Variants in TAFA2 observed in about 807,000 individuals in gnomAD.
TAFA2 encodes TAFA chemokine like family member 2.
Under a neutral mutation model 18.8 loss-of-function variants are expected in TAFA2, and 7 were observed. The observed-to-expected ratio is 0.37, with a 90% CI of 0.21 to 0.70. TAFA2 has a LOEUF of 0.70. TAFA2 is among the 30% of genes least tolerant of loss of function. The pLI is 0.53. For missense variants in TAFA2, 122 were observed against 158.1 expected (o/e 0.77, Z 1.23); for synonymous variants, 60 against 54.2 (o/e 1.11, Z -0.47).
At chr12:61,807,541 G>A (rs1339679201) in intron 2 of TAFA2, among the ~76,000 whole-genome samples, 1 of 151,238 alleles carries the variant, frequency 6.6e-6, no homozygotes, top group Non-Finnish European at 1.5e-5. Flanking sequence ...GCTGTGAGAT[G>A]AGGGCCACCA....
chr12:62,202,107 G>A (rs1161436175), intron 1 of TAFA2, among the ~76,000 whole-genome samples: 1 of 151,834 alleles, frequency 6.6e-6, no homozygotes, highest in Non-Finnish European at 1.5e-5. Flanking sequence ...ATTTTTTATT[G>A]TGTCTATTTT....
At chr12:62,039,771 C>T (rs964831909) in intron 1 of TAFA2, among the ~76,000 whole-genome samples, 2 of 152,166 alleles carry the variant, frequency 1.3e-5, no homozygotes, top group African/African-American at 2.4e-5. Flanking sequence ...GTCACCAAAG[C>T]AGATACCCGA....
intron 1 of TAFA2, among the ~76,000 whole-genome samples, chr12:62,166,681 T>C (rs575016038): frequency 1.3e-5 from 2 of 152,248 alleles, no homozygotes; most frequent in East Asian, 3.9e-4. Flanking sequence ...GTCCCAGTGA[T>C]CCCAAACAAG....
chr12:61,785,146 G>A (rs950252939), intron 2 of TAFA2, among the ~76,000 whole-genome samples: 1 of 151,270 alleles, frequency 6.6e-6, no homozygotes, highest in African/African-American at 2.4e-5. Flanking sequence ...AGTATTCTCT[G>A]TTCTACATGT....
chr12:62,144,402 A>C (rs1189316215), intron 1 of TAFA2, among the ~76,000 whole-genome samples: 1 of 152,156 alleles, frequency 6.6e-6, no homozygotes, highest in East Asian at 1.9e-4. Flanking sequence ...GGAGAGCTCA[A>C]AAAAGAGGTA....
intron 4 of TAFA2, among the ~76,000 whole-genome samples, chr12:61,747,116 A>T (rs537024655): frequency 6.5e-4 from 99 of 152,316 alleles, no homozygotes; most frequent in African/African-American, 2.2e-3. Context: ...CACATGAAAA[A>T]GTGCTCATCA....
At chr12:62,195,100 A>T (rs1026732411), upstream of TAFA2, among the ~76,000 whole-genome samples, 3 of 152,194 alleles carry the variant, frequency 2.0e-5, no homozygotes, top group African/African-American at 7.2e-5. Flanking sequence ...ATTTCTTAAA[A>T]TAAGACAATA....
chr12:61,968,459 G>A (rs1426481234), intron 1 of TAFA2, among the ~76,000 whole-genome samples: 1 of 151,644 alleles, frequency 6.6e-6, no homozygotes, highest in Non-Finnish European at 1.5e-5. Flanking sequence ...TCATTTTAAA[G>A]CATTATACAA....
intron 2 of TAFA2, among the ~76,000 whole-genome samples, chr12:61,812,348 T>C (rs915308318): frequency 1.3e-5 from 2 of 151,440 alleles, no homozygotes; most frequent in Non-Finnish European, 2.9e-5. Flanking sequence ...ATGTCCTGAT[T>C]GTATCTGGCC....
chr12:61,749,115 A>T (rs577600224), intron 4 of TAFA2, among the ~76,000 whole-genome samples: 39 of 151,848 alleles, frequency 2.6e-4, no homozygotes, highest in South Asian at 4.2e-4. Context: ...AAAATAAAAA[A>T]AAAAAAAAAT....
intron 1 of TAFA2, among the ~76,000 whole-genome samples, chr12:62,189,440 G>A (rs1355619638): frequency 1.3e-5 from 2 of 152,102 alleles, no homozygotes; most frequent in Admixed American, 6.6e-5. Flanking sequence ...TAAAAAGAAA[G>A]GTCAACTCAA....
chr12:61,930,980 G>T (rs1232856853), intron 1 of TAFA2, among the ~76,000 whole-genome samples: 1 of 152,108 alleles, frequency 6.6e-6, no homozygotes, highest in African/African-American at 2.4e-5. Flanking sequence ...ATTCAAGCCT[G>T]GTGATAGTTG....
intron 1 of TAFA2, among the ~76,000 whole-genome samples, chr12:61,928,427 AG>A (rs984454958): frequency 9.0e-5 from 12 of 133,198 alleles, no homozygotes; most frequent in African/African-American, 4.6e-4. Flanking sequence ...GCTCATCATC[AG>A]TGGTCATTAG....
intron 1 of TAFA2, among the ~76,000 whole-genome samples, chr12:62,069,311 T>C (rs1882568631): frequency 6.6e-6 from 1 of 152,178 alleles, no homozygotes; most frequent in Non-Finnish European, 1.5e-5. Flanking sequence ...TTGTTTATTT[T>C]CTGGAAATCA....
chr12:61,945,104 A>G (rs1354840538), intron 1 of TAFA2, among the ~76,000 whole-genome samples: 1 of 129,546 alleles, frequency 7.7e-6, no homozygotes, highest in Non-Finnish European at 1.6e-5. Context: ...AAGCTTATCC[A>G]CCATGATCAA....
rs996320159 is a variant in TAFA2 at position 61,997,241 on chromosome 12, A to G, written c.-1-129815T>C. 4.0e-5 allele frequency among the ~76,000 whole-genome samples: 6 copies of G among 150,562 alleles called. No homozygotes were observed. In the East Asian group the frequency reaches 7.9e-4, roughly 20 times the overall value. ...AGTGGTCGTAAGTGCAATTTAAAAA[A>G]GTAAAATAATGAGTGATGGCAACAG... On this transcript the variant is annotated intron_variant, in intron 1 of 4. Coordinates refer to ENST00000416284, the MANE Select transcript of TAFA2 (RefSeq NM_178539.5).
chr12:61,868,571 T>A (rs966052925), intron 1 of TAFA2, among the ~76,000 whole-genome samples: 4 of 152,150 alleles, frequency 2.6e-5, no homozygotes. Flanking sequence ...GGTTACCCTT[T>A]TTTGTACATT....
intron 1 of TAFA2, among the ~76,000 whole-genome samples, chr12:61,914,655 C>T (rs1211502442): frequency 6.6e-6 from 1 of 152,160 alleles, no homozygotes; most frequent in Non-Finnish European, 1.5e-5. Flanking sequence ...TAGTACCTGA[C>T]ATTACGTCCT....
At chr12:62,154,401 T>G (rs2062353733) in intron 1 of TAFA2, among the ~76,000 whole-genome samples, 1 of 152,184 alleles carries the variant, frequency 6.6e-6, no homozygotes, top group Non-Finnish European at 1.5e-5. Context: ...TACATTTATG[T>G]CACATGCTAC....
Sources: gnomAD v4.1 joint callset for allele counts (sites outside exome capture counted in the v4.1 genomes callset) on GRCh38, gnomAD v4.1.1 for gene constraint, MANE v1.5 for transcripts, NCBI Gene and HGNC (gene_info 2026-07-23, HGNC 2026-07-21) for gene names.